Variants in TET1 observed in about 807,000 individuals in gnomAD.
TET1 encodes the protein methylcytosine dioxygenase TET1.
TET1 carries 13 observed loss-of-function variants against 148.7 expected under a neutral mutation model. The observed-to-expected ratio is 0.09, with a 90% CI of 0.06 to 0.14. The LOEUF is 0.14. Among genes scored for constraint, TET1 ranks in the 10% least tolerant of loss-of-function variants. The pLI is 1.00. For synonymous variants in TET1, 907 were observed against 937.2 expected (o/e 0.97, Z 0.59); for missense variants, 2,182 against 2,553.8 (o/e 0.85, Z 3.14).
chr10:68,569,325 A>C (rs1337785723), intron 1 of TET1, among the ~76,000 whole-genome samples: 1 of 151,712 alleles, frequency 6.6e-6, no homozygotes, highest in African/African-American at 2.4e-5. Flanking sequence ...GGTGCCCGCC[A>C]CCAGGCCCGG....
chr10:68,629,614 A>G (rs1189464668), intron 3 of TET1, among the ~76,000 whole-genome samples: 1 of 151,444 alleles, frequency 6.6e-6, no homozygotes, highest in African/African-American at 2.4e-5. Context: ...GCTCACTGCA[A>G]CTTCTGCCTC....
chr10:68,675,220 T>C (rs1191438016), intron 8 of TET1: 1 of 238,874 alleles, frequency 4.2e-6, no homozygotes, highest in East Asian at 1.4e-4. Context: ...ATGCATATTA[T>C]GAATAAACTA....
At chr10:68,614,081 G>A (rs1177681456) in intron 3 of TET1, among the ~76,000 whole-genome samples, 1 of 152,168 alleles carries the variant, frequency 6.6e-6, no homozygotes, top group African/African-American at 2.4e-5. Context: ...CTCACTTAAT[G>A]GATAGTGTAA....
chr10:68,688,182 C>A lies in TET1; in HGVS notation c.5404+1475C>A, dbSNP rs902744535. The stretch of plus-strand genomic sequence containing the variant: ...CACCATCTTGGCTCACTGTAACCCT[C>A]CACCTCCTTGATTCAAGCGATTCTC... On this transcript the variant is annotated intron_variant, in intron 11 of 11. Coordinates refer to ENST00000373644, the MANE Select transcript of TET1 (RefSeq NM_030625.3). Among the ~76,000 whole-genome samples, 6 of 152,094 alleles carry A rather than the reference C, an allele frequency of 3.9e-5. No individual in the cohort carries two copies. The South Asian group carries it at 1.2e-3, about 32-fold the overall frequency.
At chr10:68,617,911 T>G (rs901022105) in intron 3 of TET1, among the ~76,000 whole-genome samples, 6 of 152,038 alleles carry the variant, frequency 3.9e-5, no homozygotes, top group South Asian at 2.1e-4. Context: ...CATCTTGAAT[T>G]TCTTTCTTTC....
intron 1 of TET1, among the ~76,000 whole-genome samples, chr10:68,566,389 G>A (rs1457305869): frequency 6.6e-6 from 1 of 152,074 alleles, no homozygotes; most frequent in East Asian, 1.9e-4. Context: ...GAATTGGAAT[G>A]TCTTGTTTTC....
At chr10:68,620,765 C>G (rs1381411111) in intron 3 of TET1, among the ~76,000 whole-genome samples, 3 of 152,190 alleles carry the variant, frequency 2.0e-5, no homozygotes, top group Non-Finnish European at 2.9e-5. Context: ...TCCAAAGCAG[C>G]TTCATCCTTT....
chr10:68,681,486 CA>C lies in TET1; in HGVS notation c.4913del (p.Gln1638ArgfsTer41). On this transcript the variant is annotated frameshift_variant and splice_region_variant, in exon 9 of 12. Coordinates refer to ENST00000373644, the MANE Select transcript of TET1 (RefSeq NM_030625.3). LOFTEE classifies it high-confidence loss of function. ...KQYAPVAYQNQVEYENVAREC... is the reference protein window; with the variant it reads ...KQYAPVAYQNXVEYENVAREC... ...GTATGCTCCAGTAGCTTACCAAAAT[CA>C]GGTATGTATTGGTATGAACTTTTTA... 6.2e-7 allele frequency: 1 copy of C among 1,604,658 alleles called. No individual in the cohort carries two copies. The highest frequency in any genetic ancestry group is 8.5e-7 in the Non-Finnish European group (1 of 1,171,866).
At chr10:68,590,236 C>T (rs1297652970) in intron 2 of TET1, among the ~76,000 whole-genome samples, 1 of 152,100 alleles carries the variant, frequency 6.6e-6, no homozygotes, top group Non-Finnish European at 1.5e-5. Context: ...TCTCAGCCTC[C>T]TGAGTAGCTG....
intron 3 of TET1, among the ~76,000 whole-genome samples, chr10:68,635,247 T>C (rs1014015872): frequency 6.6e-6 from 1 of 151,874 alleles, no homozygotes; most frequent in Non-Finnish European, 1.5e-5. Flanking sequence ...AAAATGCCTA[T>C]CTAATAGGCA....
intron 6 of TET1, among the ~76,000 whole-genome samples, chr10:68,653,445 T>C (rs916973744): frequency 1.3e-5 from 2 of 152,222 alleles, no homozygotes; most frequent in Non-Finnish European, 2.9e-5. Context: ...CTGACTATTC[T>C]GGTTTATTTT....
At chr10:68,659,247 C>T (rs1398233804) in intron 6 of TET1, among the ~76,000 whole-genome samples, 2 of 152,168 alleles carry the variant, frequency 1.3e-5, no homozygotes, top group East Asian at 3.8e-4. Context: ...GAGTGCTTCA[C>T]ATTGGGCATC....
At chr10:68,584,506 C>T (rs1012387197) in intron 2 of TET1, among the ~76,000 whole-genome samples, 2 of 151,682 alleles carry the variant, frequency 1.3e-5, no homozygotes, top group Non-Finnish European at 2.9e-5. Context: ...GCCAGAAGTT[C>T]GAGACCAGCC....
chr10:68,646,937 T>A lies in TET1; in HGVS notation c.4208T>A (p.Phe1403Tyr). 6.2e-7 allele frequency: 1 copy of A among 1,614,120 alleles called. No homozygotes were observed. Among genetic ancestry groups the A allele is most frequent in the South Asian group, 1.1e-5 (1 of 91,068 alleles). The change falls in exon 4 of 12, where the codon TTT becomes TAT. Residue 1403 changes from phenylalanine to tyrosine, a missense_variant. This residue lies in a region of TET1 where 169 missense variants were observed against 263.7 expected (regional missense o/e 0.64). Transcript: ENST00000373644. ...TTTAATGATTATGCCATGAACTTCT[T>A]TACTAACCCTACAAAAAACCTAGTG... ...KNFNDYAMNF[F>Y]TNPTKNLVSI...
At chr10:68,611,469 T>A (rs139386860) in intron 3 of TET1, among the ~76,000 whole-genome samples, 14 of 151,824 alleles carry the variant, frequency 9.2e-5, no homozygotes, top group African/African-American at 3.1e-4. Flanking sequence ...CTGGGCAACA[T>A]AGCAAGACTC....
At chr10:68,657,301 C>T (rs914962625) in intron 6 of TET1, among the ~76,000 whole-genome samples, 2 of 152,004 alleles carry the variant, frequency 1.3e-5, no homozygotes, top group Non-Finnish European at 2.9e-5. Context: ...CTCAGCCTCC[C>T]GAGTAGCTAG....
In TET1 at chr10:68,645,150, T is replaced by C. The variant is rs191829827; in HGVS notation, c.2421T>C (p.Val807=). ...TANHKNAMSS[V]ATDMSCDHLK... ...ACCATAAAAACGCTATGAGCTCTGT[T>C]GCTACTGATATGAGTTGTGATCATC... The change falls in exon 4 of 12, where the codon GTT becomes GTC. Residue 807 remains valine (V), a synonymous_variant. Transcript: ENST00000373644. The C allele has an allele frequency of 6.6e-5, 106 of 1,614,140 alleles. No homozygotes were observed. The Admixed American group carries it at 7.5e-4, about 11-fold the overall frequency.
chr10:68,678,634 C>T (rs67065185), intron 8 of TET1, among the ~76,000 whole-genome samples: 14,957 of 151,852 alleles, frequency 0.098, 1,008 homozygotes, highest in South Asian at 0.18. Flanking sequence ...CCTGTAATTC[C>T]GGCTACTCAA....
chr10:68,642,477 G>A (rs1278588729), intron 3 of TET1, among the ~76,000 whole-genome samples: 2 of 151,960 alleles, frequency 1.3e-5, no homozygotes, highest in African/African-American at 4.8e-5. Context: ...ATTAGAGGAG[G>A]AAATAGGGAG....
Sources: allele counts gnomAD v4.1 joint callset (sites outside exome capture counted in the v4.1 genomes callset), GRCh38; gene constraint gnomAD v4.1.1; regional missense constraint gnomAD v4.1.1; transcripts MANE v1.5; gene names NCBI Gene and HGNC (gene_info 2026-07-23, HGNC 2026-07-21).